Variants in NRXN1 observed in about 807,000 individuals in gnomAD.
NRXN1 encodes neurexin-1.
NRXN1 carries 39 observed loss-of-function variants against 150.9 expected under a neutral mutation model. The observed-to-expected ratio is 0.26, with a 90% confidence interval of 0.20 to 0.34. The LOEUF (loss-of-function observed/expected upper bound fraction) is 0.34, where lower values mean the gene tolerates loss of function less well. Ranked by LOEUF, NRXN1 falls within the 10% of genes least tolerant of loss-of-function variation. The pLI is 1.00. For missense variants in NRXN1, 1,815 were observed against 1,949.9 expected (o/e 0.93, Z 1.30); for synonymous variants, 924 against 757.0 (o/e 1.22, Z -3.62).
chr2:50,240,487 C>G (rs1351053417), intron 17 of NRXN1, among the ~76,000 whole-genome samples: 2 of 151,680 alleles, frequency 1.3e-5, no homozygotes, highest in East Asian at 3.9e-4. Context: ...TTAAAGCCCT[C>G]TTTTCACTGA....
intron 2 of NRXN1, among the ~76,000 whole-genome samples, chr2:51,009,458 G>C (rs565090463): frequency 1.3e-5 from 2 of 151,894 alleles, no homozygotes; most frequent in South Asian, 4.2e-4. Context: ...TAATATATCG[G>C]GACAAAAGGA....
intron 18 of NRXN1, among the ~76,000 whole-genome samples, chr2:50,152,058 A>G (rs1234800637): frequency 6.6e-6 from 1 of 151,732 alleles, no homozygotes; most frequent in African/African-American, 2.4e-5. Context: ...ACATAACATA[A>G]AATATACTGT....
At chr2:50,927,250 G>T (rs907879008) in intron 2 of NRXN1, among the ~76,000 whole-genome samples, 1 of 151,958 alleles carries the variant, frequency 6.6e-6, no homozygotes, top group Non-Finnish European at 1.5e-5. Flanking sequence ...AGTTACTAGT[G>T]AATTAAAAAT....
intron 5 of NRXN1, among the ~76,000 whole-genome samples, chr2:50,783,470 T>C (rs1292212068): frequency 6.6e-6 from 1 of 152,114 alleles, no homozygotes; most frequent in African/African-American, 2.4e-5. Context: ...TATGTCCATG[T>C]CCTCAGAGAA....
At chr2:50,556,757 T>C (rs964393645) in intron 8 of NRXN1, among the ~76,000 whole-genome samples, 4 of 152,092 alleles carry the variant, frequency 2.6e-5, no homozygotes, top group African/African-American at 4.8e-5. Context: ...AGAAAATAAA[T>C]AACTTAAAGA....
In NRXN1 at chr2:50,767,816, A is replaced by T. The variant is rs533181519; in HGVS notation, c.833-144201T>A. On this transcript the variant is annotated intron_variant, in intron 5 of 22. Coordinates refer to ENST00000401669, the MANE Select transcript of NRXN1 (RefSeq NM_001330078.2). ...AATAAAAATAAGGACATTATTAATT[A>T]TTTTTTAAATTACATTTTAATATTT... 2.0e-5 allele frequency among the ~76,000 whole-genome samples: 3 copies of T among 152,194 alleles called. No homozygotes were observed. In the South Asian group the frequency reaches 6.2e-4, roughly 31 times the overall value.
At chr2:50,090,915 T>G (rs1276179746) in intron 19 of NRXN1, among the ~76,000 whole-genome samples, 1 of 152,192 alleles carries the variant, frequency 6.6e-6, no homozygotes, top group Non-Finnish European at 1.5e-5. Context: ...GAGGAAGCGT[T>G]AGGTCTTATT....
At chr2:50,565,876 G>A (rs541413826) in intron 8 of NRXN1, among the ~76,000 whole-genome samples, 1 of 152,248 alleles carries the variant, frequency 6.6e-6, no homozygotes, top group African/African-American at 2.4e-5. Context: ...CTGTCTGGAA[G>A]GGCAATGTCC....
chr2:50,273,149 T>C (rs147591736), intron 17 of NRXN1, among the ~76,000 whole-genome samples: 5 of 152,258 alleles, frequency 3.3e-5, no homozygotes, highest in Admixed American at 6.5e-5. Flanking sequence ...ACAGAGAGCG[T>C]TGGGCAACTC....
At chr2:50,937,493 G>A (rs1052881213) in intron 2 of NRXN1, among the ~76,000 whole-genome samples, 3 of 152,218 alleles carry the variant, frequency 2.0e-5, no homozygotes, top group Admixed American at 6.5e-5. Context: ...TCTCACACCA[G>A]ATGTAAGGAA....
chr2:51,008,240 G>A (rs1398557924), intron 2 of NRXN1, among the ~76,000 whole-genome samples: 1 of 151,860 alleles, frequency 6.6e-6, no homozygotes, highest in East Asian at 1.9e-4. Flanking sequence ...GAGAGTCAGA[G>A]AGTAGCTCAA....
chr2:50,957,824 A>T (rs1005643414), intron 2 of NRXN1, among the ~76,000 whole-genome samples: 2 of 152,152 alleles, frequency 1.3e-5, no homozygotes, highest in Non-Finnish European at 1.5e-5. Context: ...TGACATTTAA[A>T]ACAATTCATA....
intron 17 of NRXN1, among the ~76,000 whole-genome samples, chr2:50,295,482 C>CA (rs763635256): frequency 3.3e-5 from 5 of 151,316 alleles, no homozygotes; most frequent in South Asian, 2.1e-4. Flanking sequence ...CCATCTTTAG[C>CA]AAAAAAAATC....
chr2:49,919,407 C>A lies in NRXN1; in HGVS notation c.*2537G>T, dbSNP rs1667829802. On this transcript the variant is annotated 3_prime_UTR_variant, in exon 23 of 23. Coordinates refer to ENST00000401669, the MANE Select transcript of NRXN1 (RefSeq NM_001330078.2). ...ATTGCATGTAACTTTAAAATTTACG[C>A]TGGGGAGAAACATTGAAATCAATCC... 2 of 151,910 alleles carry A rather than the reference C, an allele frequency of 1.3e-5. No homozygotes were observed. Among genetic ancestry groups the A allele is most frequent in the African/African-American group, 4.8e-5 (2 of 41,392 alleles). 9.4% of individuals were successfully genotyped at this position (151,910 alleles called of 1,614,324 possible).
intron 17 of NRXN1, among the ~76,000 whole-genome samples, chr2:50,314,752 C>T (rs1185445674): frequency 6.6e-6 from 1 of 151,862 alleles, no homozygotes; most frequent in Non-Finnish European, 1.5e-5. Context: ...GTATACTCTC[C>T]ATAAGAATCA....
chr2:50,733,367 A>AAATTATTTAATTTGTTATT (rs1698336255), intron 5 of NRXN1, among the ~76,000 whole-genome samples: 5 of 152,172 alleles, frequency 3.3e-5, no homozygotes, highest in Non-Finnish European at 5.9e-5. Context: ...AAACTGTGTT[A>AAATTATTTAATTTGTTATT]AATTATTTAA....
chr2:50,888,422 C>T (rs1207526355), intron 5 of NRXN1, among the ~76,000 whole-genome samples: 1 of 151,452 alleles, frequency 6.6e-6, no homozygotes, highest in Admixed American at 6.6e-5. Flanking sequence ...CAGCTCAGGG[C>T]TAAGGTGGAA....
intron 21 of NRXN1, among the ~76,000 whole-genome samples, chr2:49,957,401 T>G (rs767488121): frequency 6.6e-6 from 1 of 152,154 alleles, no homozygotes; most frequent in Non-Finnish European, 1.5e-5. Flanking sequence ...ATGGCTCTTG[T>G]AGACATTTTC....
At chr2:49,956,988 G>A (rs887620298) in intron 21 of NRXN1, among the ~76,000 whole-genome samples, 2 of 152,146 alleles carry the variant, frequency 1.3e-5, no homozygotes, top group African/African-American at 4.8e-5. Flanking sequence ...CCTAAGAGAG[G>A]TGAGTTGGAA....
Sources: allele counts gnomAD v4.1 joint callset (sites outside exome capture counted in the v4.1 genomes callset), GRCh38; gene constraint gnomAD v4.1.1; transcripts MANE v1.5; gene names NCBI Gene and HGNC (gene_info 2026-07-23, HGNC 2026-07-21).